The following PPP1R2 variants were observed in gnomAD, a reference collection of about 807,000 sequenced individuals.
PPP1R2 encodes the protein protein phosphatase 1 regulatory inhibitor subunit 2, also known as protein phosphatase inhibitor 2.
PPP1R2 carries 16 observed loss-of-function variants against 29.9 expected under a neutral mutation model. The observed-to-expected ratio is 0.53, with a 90% confidence interval of 0.36 to 0.81. PPP1R2 has a LOEUF of 0.81. Among genes scored for constraint, PPP1R2 ranks in the 30% least tolerant of loss-of-function variants. The probability of loss-of-function intolerance (pLI) is 0.00; values close to 1 mark genes in which losing one functional copy is unlikely to be tolerated. For missense variants in PPP1R2, 197 were observed against 252.7 expected (o/e 0.78, Z 1.49); for synonymous variants, 76 against 91.5 (o/e 0.83, Z 0.96).
In PPP1R2 at chr3:195,516,567, C is replaced by G. The variant is rs1288642348; in HGVS notation, c.*329G>C. On this transcript the variant is annotated 3_prime_UTR_variant, in exon 6 of 6. Coordinates refer to ENST00000618156, the MANE Select transcript of PPP1R2 (RefSeq NM_006241.8). Reference sequence around the variant, plus strand: ...TTCAAGTGATGAAAATAAATTAGTTCCCCCCCAAAGATATTGTTTAACTTC... The same window carrying G: ...TTCAAGTGATGAAAATAAATTAGTTGCCCCCCAAAGATATTGTTTAACTTC... 8.8e-6 allele frequency: 2 copies of G among 227,836 alleles called. No homozygotes were observed. Among genetic ancestry groups the G allele is most frequent in the Non-Finnish European group, 1.7e-5 (2 of 116,920 alleles). 14.1% of individuals were successfully genotyped at this position (227,836 alleles called of 1,614,324 possible).
chr3:195,524,956 A>G, intron 2 of PPP1R2, 60 bp from the exon 3 acceptor site: 2 of 1,415,914 alleles, frequency 1.4e-6, no homozygotes, highest in Middle Eastern at 1.8e-4. Context: ...CCACAAAAAC[A>G]AGGGAGAAAA....
chr3:195,543,240 C>A lies in PPP1R2; in HGVS notation c.-215G>T, dbSNP rs1011532277. 1.7e-5 allele frequency: 9 copies of A among 530,446 alleles called. No individual in the cohort carries two copies. The highest frequency in any genetic ancestry group is 2.5e-5 in the Non-Finnish European group (8 of 321,490). The allele number at this position is 530,446 out of a possible 1,614,324, so 32.9% of individuals were successfully genotyped here. ...GCCGAACGGGTGGCGGCTACTCGCGCACCCTTAGCCACTGGCACTTGACCC... is the reference window on the plus strand; with the variant it reads ...GCCGAACGGGTGGCGGCTACTCGCGAACCCTTAGCCACTGGCACTTGACCC... On this transcript the variant is annotated 5_prime_UTR_variant, in exon 1 of 6. Transcript: ENST00000618156.
At chr3:195,520,251 C>T (rs1203024138) in intron 4 of PPP1R2, among the ~76,000 whole-genome samples, 1 of 152,154 alleles carries the variant, frequency 6.6e-6, no homozygotes, top group Non-Finnish European at 1.5e-5. Flanking sequence ...CTCAGGTGAT[C>T]CGCCTGCCTT....
intron 1 of PPP1R2, among the ~76,000 whole-genome samples, chr3:195,530,844 CAG>C (rs1170953158): frequency 2.0e-5 from 3 of 149,856 alleles, no homozygotes; most frequent in Non-Finnish European, 1.5e-5. Flanking sequence ...TTTTTTGAGA[CAG>C]AGTTTTGCTC....
chr3:195,538,736 C>A (rs1036458907), intron 1 of PPP1R2, among the ~76,000 whole-genome samples: 2 of 152,084 alleles, frequency 1.3e-5, no homozygotes, highest in African/African-American at 4.8e-5. Context: ...TGTGTAAAAA[C>A]CCCGCTGAGA....
intron 1 of PPP1R2, among the ~76,000 whole-genome samples, chr3:195,533,171 AC>A (rs1719250586): frequency 6.6e-6 from 1 of 151,860 alleles, no homozygotes; most frequent in South Asian, 2.1e-4. Context: ...ACATGGTGAA[AC>A]CCCGTCTCTA....
chr3:195,520,681 C>CT (rs1458458866), intron 4 of PPP1R2, among the ~76,000 whole-genome samples: 7 of 151,966 alleles, frequency 4.6e-5, no homozygotes, highest in Admixed American at 4.6e-4. Flanking sequence ...GTACTTTCTT[C>CT]TTTTTTTTAA....
chr3:195,517,034 T>C (rs1172827195), intron 5 of PPP1R2, 92 bp from the exon 6 acceptor site: 1 of 1,018,980 alleles, frequency 9.8e-7, no homozygotes, highest in Non-Finnish European at 1.5e-6. Flanking sequence ...GACAAGCAAA[T>C]ATAAAAATTT....
intron 4 of PPP1R2, among the ~76,000 whole-genome samples, chr3:195,522,402 AAATG>A (rs924919831): frequency 1.3e-5 from 2 of 152,220 alleles, no homozygotes; most frequent in Non-Finnish European, 2.9e-5. Context: ...CACCAGTGGA[AAATG>A]AATTAATGAA....
chr3:195,539,669 G>A (rs2108955721), intron 1 of PPP1R2, among the ~76,000 whole-genome samples: 1 of 152,234 alleles, frequency 6.6e-6, no homozygotes, highest in South Asian at 2.1e-4. Context: ...GTGGCAGAAT[G>A]AGATCTTGTC....
chr3:195,526,409 T>A (rs1718972586), intron 2 of PPP1R2, among the ~76,000 whole-genome samples: 1 of 151,668 alleles, frequency 6.6e-6, no homozygotes, highest in Non-Finnish European at 1.5e-5. Context: ...AATGAAACTC[T>A]CAAAAAGAAA....
In PPP1R2 at chr3:195,542,870, GAGGGGCTCCC is replaced by G. The variant is rs1312045433; in HGVS notation, c.122+24_122+33del. 22 of 1,581,988 alleles carry G rather than the reference GAGGGGCTCCC, an allele frequency of 1.4e-5. No homozygotes were observed. The Admixed American group carries it at 3.7e-4, about 27-fold the overall frequency. The stretch of plus-strand genomic sequence containing the variant: ...GGTAGGTAACGGGCCCGGCGGGAAG[GAGGGGCTCCC>G]AGGCCGTCCCTCCCAGCGCTCACCT... On this transcript the variant is annotated intron_variant, in intron 1 of 5. Transcript: ENST00000618156.
chr3:195,533,085 G>A (rs1405080146), intron 1 of PPP1R2, among the ~76,000 whole-genome samples: 2 of 152,094 alleles, frequency 1.3e-5, no homozygotes, highest in Admixed American at 1.3e-4. Flanking sequence ...GGCCAGGCAC[G>A]TCTGTAATCC....
chr3:195,528,700 C>CAATTTTTTTTTTTTTTTTTTTTTTTTTTT (rs1553886222), intron 2 of PPP1R2: 2 of 76,646 alleles, frequency 2.6e-5, no homozygotes, highest in Non-Finnish European at 4.7e-5. Flanking sequence ...TAGGGCATAA[C>CAATTTTTTTTTTTTTTTTTTTTTTTTTTT]TATTTTTTTT....
chr3:195,524,985 T>C, intron 2 of PPP1R2, 89 bp from the exon 3 acceptor site: 1 of 1,035,324 alleles, frequency 9.7e-7, no homozygotes, highest in Non-Finnish European at 1.5e-6. Flanking sequence ...ATCAACCTAC[T>C]TAACATATCA....
chr3:195,536,416 T>A (rs1217819134), intron 1 of PPP1R2, among the ~76,000 whole-genome samples: 1 of 152,154 alleles, frequency 6.6e-6, no homozygotes, highest in Non-Finnish European at 1.5e-5. Flanking sequence ...CTTTTCTGTA[T>A]GTATATTACA....
At chr3:195,537,930 A>T (rs1435908472) in intron 1 of PPP1R2, among the ~76,000 whole-genome samples, 4 of 152,260 alleles carry the variant, frequency 2.6e-5, no homozygotes, top group African/African-American at 9.6e-5. Flanking sequence ...AACTGTCAGC[A>T]GGGGACACTG....
chr3:195,525,491 A>G (rs1369788871), intron 2 of PPP1R2, among the ~76,000 whole-genome samples: 2 of 152,214 alleles, frequency 1.3e-5, no homozygotes, highest in Non-Finnish European at 2.9e-5. Flanking sequence ...AAAATACTAC[A>G]AAGTTCCAAT....
chr3:195,541,285 G>A lies in PPP1R2; in HGVS notation c.122+1619C>T, dbSNP rs373584645. 7.2e-4 allele frequency among the ~76,000 whole-genome samples: 110 copies of A among 152,226 alleles called. 1 individual carries two copies. Among genetic ancestry groups the A allele is most frequent in the South Asian group, 6.6e-3 (32 of 4,824 alleles). ...AATAAACAGAAACTAAAGAAGCAGA[G>A]ATAAAGAGTAACTCACTTGGTAAAT... On this transcript the variant is annotated intron_variant, in intron 1 of 5. Coordinates refer to ENST00000618156, the MANE Select transcript of PPP1R2 (RefSeq NM_006241.8).
Sources: gnomAD v4.1 joint callset for allele counts (sites outside exome capture counted in the v4.1 genomes callset) on GRCh38, gnomAD v4.1.1 for gene constraint, MANE v1.5 for transcripts, NCBI Gene and HGNC (gene_info 2026-07-23, HGNC 2026-07-21) for gene names.